Variants in DPP6 observed in about 807,000 individuals in gnomAD.
DPP6 encodes dipeptidyl peptidase like 6, also known as A-type potassium channel modulatory protein DPP6.
A neutral mutation model predicts 122.6 loss-of-function variants in DPP6; 69 were observed. That is an observed-to-expected ratio of 0.56 (90% CI 0.46 to 0.69). DPP6 has a LOEUF of 0.69. DPP6 is among the 30% of genes least tolerant of loss of function. The pLI, the probability that DPP6 is intolerant of heterozygous loss-of-function variation, is 0.00. For synonymous variants in DPP6, 418 were observed against 433.1 expected (o/e 0.97, Z 0.43); for missense variants, 928 against 1,116.9 (o/e 0.83, Z 2.41).
At chr7:154,179,564 C>T (rs764741859) in intron 1 of DPP6, among the ~76,000 whole-genome samples, 7 of 152,144 alleles carry the variant, frequency 4.6e-5, no homozygotes, top group Non-Finnish European at 8.8e-5. Context: ...GGCATGAGCT[C>T]CCCATGTCTG....
At chr7:153,934,729 C>T (rs1801347189) in intron 1 of DPP6, among the ~76,000 whole-genome samples, 1 of 152,122 alleles carries the variant, frequency 6.6e-6, no homozygotes, top group Non-Finnish European at 1.5e-5. Context: ...GACAGCAGTG[C>T]AGACCTTGTT....
intron 17 of DPP6, among the ~76,000 whole-genome samples, chr7:154,864,351 C>T (rs540614850): frequency 6.6e-4 from 101 of 152,326 alleles, no homozygotes; most frequent in Non-Finnish European, 1.2e-3. Context: ...AGCTACACCA[C>T]GACCTGCCCA....
rs767891355 is a variant in DPP6 at position 154,603,211 on chromosome 7, G to A, written c.628-34610G>A. Among the ~76,000 whole-genome samples, 2 of 119,626 alleles carry A rather than the reference G, an allele frequency of 1.7e-5. 1 individual carries two copies. The highest frequency in any genetic ancestry group is 3.7e-5 in the Non-Finnish European group (2 of 53,364). 78.5% of individuals were successfully genotyped at this position (119,626 alleles called of 152,430 possible). A position where few individuals can be genotyped will look rare whatever the true frequency, so the allele number is the denominator to read the frequency against. ...CAGTTTGAATACAATGTGCATAGATGTCATTCTCTTTGTATGTAATTTGTT... is the reference window on the plus strand; with the variant it reads ...CAGTTTGAATACAATGTGCATAGATATCATTCTCTTTGTATGTAATTTGTT... On this transcript the variant is annotated intron_variant, in intron 5 of 25. Transcript: ENST00000377770.
the DPP6 span, among the ~76,000 whole-genome samples, chr7:153,878,577 C>T: frequency 8.5e-5 from 13 of 152,054 alleles, no homozygotes; most frequent in Middle Eastern, 6.8e-3. Flanking sequence ...AGCTAACTAG[C>T]GTTAGAAGTC....
chr7:154,275,029 C>A (rs1399571889), intron 1 of DPP6, among the ~76,000 whole-genome samples: 1 of 152,268 alleles, frequency 6.6e-6, no homozygotes, highest in African/African-American at 2.4e-5. Context: ...CCTTGCACAC[C>A]TGCTGCAGGT....
intron 2 of DPP6, among the ~76,000 whole-genome samples, chr7:154,470,739 T>C (rs1822192259): frequency 6.6e-6 from 1 of 152,108 alleles, no homozygotes; most frequent in South Asian, 2.1e-4. Context: ...GCCATGGAGT[T>C]TTCTATAGTA....
intron 10 of DPP6, among the ~76,000 whole-genome samples, chr7:154,777,866 T>C (rs900404630): frequency 6.6e-6 from 1 of 152,142 alleles, no homozygotes; most frequent in African/African-American, 2.4e-5. Context: ...CTTCCACGGC[T>C]CACGAAAGGC....
intron 1 of DPP6, among the ~76,000 whole-genome samples, chr7:154,126,347 G>C (rs1442637499): frequency 6.6e-6 from 1 of 152,174 alleles, no homozygotes; most frequent in African/African-American, 2.4e-5. Context: ...TATCCAAATG[G>C]GGTCATGAGA....
At chr7:154,093,303 ACCACACCACATG>A (rs1805013897) in intron 1 of DPP6, among the ~76,000 whole-genome samples, 1 of 144,166 alleles carries the variant, frequency 6.9e-6, no homozygotes, top group African/African-American at 2.6e-5. Context: ...CACATCAAAT[ACCACACCACATG>A]CCACACAACC....
intron 1 of DPP6, among the ~76,000 whole-genome samples, chr7:154,231,612 G>A (rs1800922114): frequency 6.6e-6 from 1 of 152,160 alleles, no homozygotes; most frequent in Admixed American, 6.5e-5. Flanking sequence ...CATCATAACT[G>A]GGAACCCAGA....
chr7:154,598,456 G>A (rs1169086760), intron 5 of DPP6, among the ~76,000 whole-genome samples: 1 of 114,688 alleles, frequency 8.7e-6, no homozygotes, highest in Non-Finnish European at 1.9e-5. Context: ...TGAAATGGGA[G>A]CTCCCAGATC....
At chr7:153,839,169 TTC>T in the DPP6 span, among the ~76,000 whole-genome samples, 1 of 152,236 alleles carries the variant, frequency 6.6e-6, no homozygotes, top group Non-Finnish European at 1.5e-5. Flanking sequence ...GATGTTACTC[TTC>T]TGTTTTCCCC....
intron 1 of DPP6, among the ~76,000 whole-genome samples, chr7:154,162,395 A>G (rs1439958199): frequency 3.9e-5 from 6 of 152,222 alleles, no homozygotes; most frequent in Non-Finnish European, 7.3e-5. Context: ...ATAGACATTC[A>G]TTTTTCTATA....
intron 7 of DPP6, among the ~76,000 whole-genome samples, chr7:154,721,262 C>A (rs1413987010): frequency 6.6e-6 from 1 of 152,234 alleles, no homozygotes; most frequent in Admixed American, 6.5e-5. Flanking sequence ...GCTCCTCCTT[C>A]CGCTAACTGC....
At chr7:154,835,767 C>T (rs1800999937) in intron 16 of DPP6, among the ~76,000 whole-genome samples, 1 of 152,230 alleles carries the variant, frequency 6.6e-6, no homozygotes, top group African/African-American at 2.4e-5. Flanking sequence ...TTCCAAGACA[C>T]ACTTTTCCTA....
chr7:154,782,685 A>G (rs1797100511), intron 10 of DPP6, among the ~76,000 whole-genome samples: 1 of 152,172 alleles, frequency 6.6e-6, no homozygotes, highest in Non-Finnish European at 1.5e-5. Context: ...GGAATCACCT[A>G]GGGCCTTGTT....
intron 3 of DPP6, among the ~76,000 whole-genome samples, chr7:154,505,448 A>G (rs1421891325): frequency 1.3e-5 from 2 of 152,158 alleles, no homozygotes; most frequent in African/African-American, 2.4e-5. Flanking sequence ...GCTTTCACCT[A>G]ATGTCCCCTT....
chr7:154,275,690 T>C (rs534837692), intron 1 of DPP6, among the ~76,000 whole-genome samples: 114 of 152,334 alleles, frequency 7.5e-4, no homozygotes, highest in African/African-American at 2.7e-3. Flanking sequence ...GACAGTTTAA[T>C]CAGCTCCCTC....
chr7:153,866,688 C>T, the DPP6 span, among the ~76,000 whole-genome samples: 773 of 152,190 alleles, frequency 5.1e-3, 8 homozygotes, highest in African/African-American at 0.017. Flanking sequence ...CTTTTGTTGC[C>T]ATTGCTTTTG....
Sources: gnomAD v4.1 joint callset for allele counts (sites outside exome capture counted in the v4.1 genomes callset) on GRCh38, gnomAD v4.1.1 for gene constraint, MANE v1.5 for transcripts, NCBI Gene and HGNC (gene_info 2026-07-23, HGNC 2026-07-21) for gene names.